CBFA2T2: variants seen among roughly 807,000 people sequenced by gnomAD.
CBFA2T2 encodes CBFA2/RUNX1 partner transcriptional co-repressor 2.
CBFA2T2 carries 11 observed loss-of-function variants against 62.2 expected under a neutral mutation model. The ratio of observed to expected loss-of-function variants is 0.18; its 90% CI spans 0.11 to 0.29. The LOEUF (loss-of-function observed/expected upper bound fraction) is 0.29. CBFA2T2 is among the 10% of genes least tolerant of loss of function. The pLI is 1.00. For missense variants in CBFA2T2, 592 were observed against 774.1 expected, an observed-to-expected ratio of 0.76 and a Z score of 2.79; for synonymous variants, 295 against 287.5, an observed-to-expected ratio of 1.03 and a Z score of -0.27.
chr20:33,538,081 T>G (rs920540487), intron 1 of CBFA2T2, among the ~76,000 whole-genome samples: 3 of 152,078 alleles, frequency 2.0e-5, no homozygotes, highest in African/African-American at 7.2e-5. Flanking sequence ...TCTTAACAGT[T>G]TAGGAGAGAT....
At chr20:33,546,076 A>G (rs544561517) in intron 1 of CBFA2T2, among the ~76,000 whole-genome samples, 1 of 152,348 alleles carries the variant, frequency 6.6e-6, no homozygotes, top group African/African-American at 2.4e-5. Flanking sequence ...ATAGTTGATG[A>G]TAATAATGCT....
chr20:33,534,112 T>G (rs2041073030), intron 1 of CBFA2T2, among the ~76,000 whole-genome samples: 2 of 152,106 alleles, frequency 1.3e-5, no homozygotes, highest in Non-Finnish European at 2.9e-5. Context: ...GGATTACAGG[T>G]GTTAAACCAC....
intron 1 of CBFA2T2, among the ~76,000 whole-genome samples, chr20:33,562,992 G>A (rs541074730): frequency 6.6e-6 from 1 of 152,300 alleles, no homozygotes; most frequent in Admixed American, 6.5e-5. Flanking sequence ...ATTGTTCTGT[G>A]ATGTTTAGAG....
At chr20:33,539,247 A>C (rs942644613) in intron 1 of CBFA2T2, among the ~76,000 whole-genome samples, 2 of 152,212 alleles carry the variant, frequency 1.3e-5, no homozygotes, top group African/African-American at 4.8e-5. Flanking sequence ...ATGTCATGTG[A>C]ATTGAAAGAG....
In CBFA2T2 at chr20:33,599,847, A is replaced by C. The variant is rs533709796; in HGVS notation, c.35-7109A>C. ...GACCTCAGGTGATCCACCCACCTCA[A>C]CCTCCCAAAGTGCTGGGATTACAGG... On this transcript the variant is annotated intron_variant, in intron 1 of 10. Coordinates refer to ENST00000342704, the MANE Select transcript of CBFA2T2 (RefSeq NM_001032999.3). 7.3e-5 allele frequency among the ~76,000 whole-genome samples: 11 copies of C among 151,528 alleles called. No individual in the cohort carries two copies. In the East Asian group the frequency reaches 1.8e-3, roughly 24 times the overall value.
At chr20:33,538,860 TA>T (rs1177281348) in intron 1 of CBFA2T2, among the ~76,000 whole-genome samples, 1 of 152,082 alleles carries the variant, frequency 6.6e-6, no homozygotes, top group Non-Finnish European at 1.5e-5. Flanking sequence ...TTTTTTTTTT[TA>T]ATTAGTTAAT....
chr20:33,588,137 C>G (rs2014458994), intron 1 of CBFA2T2, among the ~76,000 whole-genome samples: 1 of 152,078 alleles, frequency 6.6e-6, no homozygotes, highest in South Asian at 2.1e-4. Flanking sequence ...CACCTCCATG[C>G]ATTTGGGAAT....
intron 1 of CBFA2T2, among the ~76,000 whole-genome samples, chr20:33,548,853 G>C (rs1278584338): frequency 1.3e-5 from 2 of 152,122 alleles, no homozygotes; most frequent in Non-Finnish European, 2.9e-5. Context: ...CTACTCAGGA[G>C]GCTGAAGCAG....
At chr20:33,579,817 C>CTCT (rs1357542558) in intron 1 of CBFA2T2, among the ~76,000 whole-genome samples, 8 of 138,446 alleles carry the variant, frequency 5.8e-5, no homozygotes, top group Admixed American at 3.6e-4. Context: ...CTCTCTCTCT[C>CTCT]TTTTTTTTTT....
rs149900629 is a variant in CBFA2T2 at position 33,595,238 on chromosome 20, G to A, written c.35-11718G>A. ...GAAAAAATTTTTTTTTTGAGTCGGA[G>A]TCTCACTTTGTTGCCCAGGCTGGAG... is the stretch of plus-strand genomic sequence containing the variant. On this transcript the variant is annotated intron_variant, in intron 1 of 10. Transcript: ENST00000342704. 4.5e-3 allele frequency among the ~76,000 whole-genome samples: 688 copies of A among 152,220 alleles called. 6 individuals carry two copies. The highest frequency in any genetic ancestry group is 0.016 in the African/African-American group (646 of 41,536).
intron 1 of CBFA2T2, among the ~76,000 whole-genome samples, chr20:33,503,637 T>C (rs2085065819): frequency 6.6e-6 from 1 of 152,188 alleles, no homozygotes; most frequent in African/African-American, 2.4e-5. Flanking sequence ...TTTATTTATT[T>C]ATCTTTTTTT....
At chr20:33,598,751 A>G (rs2014997639) in intron 1 of CBFA2T2, among the ~76,000 whole-genome samples, 1 of 152,218 alleles carries the variant, frequency 6.6e-6, no homozygotes, top group Admixed American at 6.5e-5. Context: ...TTTACAATTT[A>G]TGTTTAGAGA....
chr20:33,626,748 C>T (rs944513749), intron 6 of CBFA2T2, among the ~76,000 whole-genome samples: 14 of 152,304 alleles, frequency 9.2e-5, no homozygotes, highest in South Asian at 4.1e-4. Context: ...ATCTTTCAGA[C>T]GCTTGGCCAC....
intron 10 of CBFA2T2, among the ~76,000 whole-genome samples, chr20:33,642,112 TTTTTTGTGTGTG>T (rs746491313): frequency 0.19 from 13,840 of 74,580 alleles, 867 homozygotes; most frequent in African/African-American, 0.2. Context: ...TGTCTTTTTT[TTTTTTGTGTGTG>T]TGTGTGTGTG....
intron 1 of CBFA2T2, among the ~76,000 whole-genome samples, chr20:33,583,834 A>G (rs555670536): frequency 5.3e-5 from 8 of 152,242 alleles, no homozygotes; most frequent in Admixed American, 5.2e-4. Context: ...CATACCAACC[A>G]TGCCACACTG....
At chr20:33,535,607 T>A (rs1568805355) in intron 1 of CBFA2T2, among the ~76,000 whole-genome samples, 4 of 146,504 alleles carry the variant, frequency 2.7e-5, no homozygotes, top group African/African-American at 7.8e-5. Flanking sequence ...GTTTTATTTT[T>A]ATTTTTTTAT....
At chr20:33,491,911 G>A (rs1040433586) in intron 1 of CBFA2T2, among the ~76,000 whole-genome samples, 1 of 151,468 alleles carries the variant, frequency 6.6e-6, no homozygotes, top group Non-Finnish European at 1.5e-5. Context: ...ACGGAGTTTT[G>A]TTCTTGTTGC....
intron 1 of CBFA2T2, among the ~76,000 whole-genome samples, chr20:33,514,678 C>T (rs1237754064): frequency 1.3e-5 from 2 of 151,834 alleles, no homozygotes; most frequent in African/African-American, 2.4e-5. Flanking sequence ...AAAGAGATTG[C>T]TTTTATTTAT....
chr20:33,610,687 G>A (rs2015489924), intron 2 of CBFA2T2, among the ~76,000 whole-genome samples: 1 of 152,056 alleles, frequency 6.6e-6, no homozygotes, highest in Admixed American at 6.6e-5. Flanking sequence ...CTGATTGACT[G>A]CCTAGTGTTT....
Sources: allele counts gnomAD v4.1 joint callset (sites outside exome capture counted in the v4.1 genomes callset), GRCh38; gene constraint gnomAD v4.1.1; transcripts MANE v1.5; gene names NCBI Gene and HGNC (gene_info 2026-07-23, HGNC 2026-07-21).